EVL: variants seen among roughly 807,000 people sequenced by gnomAD.
EVL encodes Enah/Vasp-like.
In EVL, 21 loss-of-function variants were observed where a neutral mutation model predicts 59.6. The ratio of observed to expected loss-of-function variants is 0.35; its 90% CI spans 0.25 to 0.51. The LOEUF (loss-of-function observed/expected upper bound fraction) is 0.51. Ranked by LOEUF, EVL falls within the 20% of genes least tolerant of loss-of-function variation. The pLI is 0.97. For synonymous variants in EVL, 198 were observed against 203.5 expected (o/e 0.97, Z 0.23); for missense variants, 462 against 546.6 (o/e 0.85, Z 1.54).
intron 1 of EVL, among the ~76,000 whole-genome samples, chr14:99,982,911 G>A (rs1191018): frequency 0.065 from 9,844 of 152,234 alleles, 500 homozygotes; most frequent in East Asian, 0.28. Context: ...TAACCTTTAT[G>A]AGCCTCCGTT....
In EVL at chr14:100,128,651, T is replaced by C; in HGVS notation, c.620T>C (p.Leu207Pro). Residue 207 changes from leucine to proline, a missense_variant, in exon 6 of 14, where the codon CTG (leucine) becomes CCG (proline). Physicochemically the swap from Leu to Pro is moderately conservative, Grantham distance 98. Transcript: ENST00000392920. ...TGATPPPPPP[L>P]PAGGAQGSSH... ...GCTACCCCACCTCCCCCACCCCCAC[T>C]GCCAGCCGGAGGAGCCCAGGGGTCC... The C allele has an allele frequency of 1.0e-6, 1 of 976,770 alleles. No individual in the cohort carries two copies. Among genetic ancestry groups the C allele is most frequent in the Non-Finnish European group, 1.4e-6 (1 of 718,846 alleles). The allele number at this position is 976,770 out of a possible 1,614,324, so 60.5% of individuals were successfully genotyped here. A position where few individuals can be genotyped will look rare whatever the true frequency, so the allele number is the denominator to read the frequency against.
At chr14:100,033,351 C>T (rs897254381) in intron 1 of EVL, among the ~76,000 whole-genome samples, 3 of 152,152 alleles carry the variant, frequency 2.0e-5, no homozygotes, top group African/African-American at 7.2e-5. Context: ...ATCCTATGAA[C>T]ACCAGTCAAA....
chr14:100,032,215 G>A (rs2061324778), intron 1 of EVL, among the ~76,000 whole-genome samples: 1 of 152,172 alleles, frequency 6.6e-6, no homozygotes, highest in African/African-American at 2.4e-5. Context: ...AATGTACCTT[G>A]GAGCACTTCC....
rs1052276347 is a variant in EVL at position 100,134,026 on chromosome 14, C to G, written c.900+1247C>G. On this transcript the variant is annotated intron_variant, in intron 8 of 13. Transcript: ENST00000392920. Reference sequence around the variant, plus strand: ...CTCACTACTTGATCCCAGCCCCGGTCTTCTCCCGAGGCCCTCTGCACAGGC... The same window carrying G: ...CTCACTACTTGATCCCAGCCCCGGTGTTCTCCCGAGGCCCTCTGCACAGGC... Among the ~76,000 whole-genome samples, 32 of 152,222 alleles carry G rather than the reference C, an allele frequency of 2.1e-4. 3 individuals are homozygous for G.
At chr14:100,096,399 C>T (rs766519705) in intron 2 of EVL, among the ~76,000 whole-genome samples, 1 of 152,330 alleles carries the variant, frequency 6.6e-6, no homozygotes, top group Non-Finnish European at 1.5e-5. Flanking sequence ...TACTTCCATT[C>T]GTAGAGATCT....
intron 1 of EVL, among the ~76,000 whole-genome samples, chr14:100,057,744 A>G (rs533478663): frequency 6.6e-6 from 1 of 152,324 alleles, no homozygotes; most frequent in South Asian, 2.1e-4. Context: ...TCTCTGGCAG[A>G]TCCAATTTCC....
chr14:100,040,205 T>C (rs2061447599), intron 1 of EVL, among the ~76,000 whole-genome samples: 1 of 152,208 alleles, frequency 6.6e-6, no homozygotes, highest in Non-Finnish European at 1.5e-5. Flanking sequence ...TTACTACAGA[T>C]TTTTACCAGC....
At chr14:100,002,411 G>A (rs573773291) in intron 1 of EVL, among the ~76,000 whole-genome samples, 30 of 152,166 alleles carry the variant, frequency 2.0e-4, no homozygotes, top group African/African-American at 6.7e-4. Flanking sequence ...GAAATTTATT[G>A]TCTCTGTGGC....
intron 1 of EVL, among the ~76,000 whole-genome samples, chr14:99,977,692 C>A (rs376986429): frequency 6.6e-6 from 1 of 152,044 alleles, no homozygotes. Context: ...CCTCGGCCCC[C>A]CAAAGTGCTG....
upstream of EVL, among the ~76,000 whole-genome samples, chr14:100,063,708 T>G (rs1470698391): frequency 6.6e-6 from 1 of 152,206 alleles, no homozygotes; most frequent in Admixed American, 6.5e-5. Flanking sequence ...TTAACCACCA[T>G]GACCTAATTG....
At chr14:99,997,070 T>C (rs1400770530) in intron 1 of EVL, among the ~76,000 whole-genome samples, 2 of 152,222 alleles carry the variant, frequency 1.3e-5, no homozygotes, top group Non-Finnish European at 2.9e-5. Flanking sequence ...ACTGGACTGC[T>C]CAAAATGTCA....
intron 2 of EVL, among the ~76,000 whole-genome samples, chr14:100,086,251 A>G (rs765163506): frequency 2.0e-5 from 3 of 152,220 alleles, no homozygotes; most frequent in Non-Finnish European, 2.9e-5. Flanking sequence ...TGCCTTCCTA[A>G]AATTCCAATT....
chr14:99,991,191 T>C (rs988432812), intron 1 of EVL, among the ~76,000 whole-genome samples: 4 of 152,170 alleles, frequency 2.6e-5, no homozygotes, highest in African/African-American at 9.7e-5. Flanking sequence ...GAATAGTAAA[T>C]ATATTTTCTC....
rs2061178273 is a variant in EVL at position 100,024,499 on chromosome 14, CTTGATCA to C, written c.5+52447_5+52453del. Among the ~76,000 whole-genome samples, 5 of 152,160 alleles carry C rather than the reference CTTGATCA, an allele frequency of 3.3e-5. No homozygotes were observed. In the South Asian group the frequency reaches 1.0e-3, roughly 32 times the overall value. On this transcript the variant is annotated intron_variant, in intron 1 of 13. Coordinates refer to the EVL transcript ENST00000402714. ...GGCAGGGAAGGGGAAGGAAAAGAAC[CTTGATCA>C]TTGAATACCTGCTGTGTGCCAATCA...
intron 13 of EVL, chr14:100,142,091 C>T (rs1889208477): frequency 3.8e-6 from 1 of 266,156 alleles, no homozygotes; most frequent in Non-Finnish European, 7.3e-6. Flanking sequence ...GAGACCCCAG[C>T]ATCGTTCCAG....
At chr14:100,055,029 C>A (rs575807120) in intron 1 of EVL, among the ~76,000 whole-genome samples, 2 of 152,088 alleles carry the variant, frequency 1.3e-5, no homozygotes, top group African/African-American at 4.8e-5. Context: ...GGTGAAACCC[C>A]GTCTCTACTG....
At chr14:100,143,424 C>T (rs1407174800) in intron 13 of EVL, among the ~76,000 whole-genome samples, 1 of 152,292 alleles carries the variant, frequency 6.6e-6, no homozygotes, top group East Asian at 1.9e-4. Context: ...TCCTCAGCAG[C>T]AGTGAGGCCA....
At chr14:100,048,449 T>C (rs2061591277) in intron 1 of EVL, among the ~76,000 whole-genome samples, 1 of 152,196 alleles carries the variant, frequency 6.6e-6, no homozygotes, top group Non-Finnish European at 1.5e-5. Context: ...TCATATGCAC[T>C]TACTAGAGTG....
chr14:100,035,188 A>G (rs1340507928), intron 1 of EVL, among the ~76,000 whole-genome samples: 2 of 152,146 alleles, frequency 1.3e-5, no homozygotes, highest in Non-Finnish European at 2.9e-5. Context: ...AAATGAAGTC[A>G]CTCAATTAGA....
Sources: allele counts gnomAD v4.1 joint callset (sites outside exome capture counted in the v4.1 genomes callset), GRCh38; gene constraint gnomAD v4.1.1; transcripts MANE v1.5; gene names NCBI Gene and HGNC (gene_info 2026-07-23, HGNC 2026-07-21).